ARHGAP5: variants seen among roughly 807,000 people sequenced by gnomAD.
ARHGAP5 encodes Rho GTPase activating protein 5.
ARHGAP5 carries 23 observed loss-of-function variants against 116.6 expected under a neutral mutation model. The observed-to-expected ratio is 0.20, with a 90% confidence interval of 0.14 to 0.28. ARHGAP5 has a LOEUF of 0.28. Among genes scored for constraint, ARHGAP5 ranks in the 10% least tolerant of loss-of-function variants. ARHGAP5 has a pLI of 1.00. For synonymous variants in ARHGAP5, 574 were observed against 602.0 expected, an observed-to-expected ratio of 0.95 and a Z score of 0.68; for missense variants, 1,405 against 1,774.8, an observed-to-expected ratio of 0.79 and a Z score of 3.74.
chr14:32,105,362 G>A (rs111699528), intron 2 of ARHGAP5, among the ~76,000 whole-genome samples: 2,086 of 151,852 alleles, frequency 0.014, 50 homozygotes, highest in African/African-American at 0.047. Context: ...TGTTGCTTCC[G>A]TTCCATTTTC....
At chr14:32,106,068 A>G (rs1879002786) in intron 2 of ARHGAP5, among the ~76,000 whole-genome samples, 1 of 152,218 alleles carries the variant, frequency 6.6e-6, no homozygotes, top group Non-Finnish European at 1.5e-5. Context: ...TGTCATGAAC[A>G]TTCGAATACA....
chr14:32,102,290 T>C (rs1417240798), intron 2 of ARHGAP5, among the ~76,000 whole-genome samples: 1 of 152,192 alleles, frequency 6.6e-6, no homozygotes, highest in Non-Finnish European at 1.5e-5. Context: ...ACCAGCATCT[T>C]TTCTAGTCTG....
chr14:32,135,928 A>G (rs975794867), intron 3 of ARHGAP5, among the ~76,000 whole-genome samples: 1 of 152,234 alleles, frequency 6.6e-6, no homozygotes, highest in Admixed American at 6.5e-5. Context: ...TTACTGTGTT[A>G]AAATGCATAT....
At chr14:32,142,458 A>T (rs1881170848) in intron 3 of ARHGAP5, among the ~76,000 whole-genome samples, 1 of 152,092 alleles carries the variant, frequency 6.6e-6, no homozygotes, top group Admixed American at 6.6e-5. Context: ...ATTTTTGTGA[A>T]GTCTGTATTC....
chr14:32,132,802 A>G (rs1880574770), intron 3 of ARHGAP5, among the ~76,000 whole-genome samples: 2 of 152,142 alleles, frequency 1.3e-5, no homozygotes, highest in Admixed American at 6.5e-5. Context: ...CTTTGTACAT[A>G]TGGCTAGCCA....
intron 3 of ARHGAP5, among the ~76,000 whole-genome samples, chr14:32,133,920 C>G (rs553082741): frequency 6.6e-6 from 1 of 152,138 alleles, no homozygotes; most frequent in African/African-American, 2.4e-5. Context: ...GCCTTGCATC[C>G]CAGGGATGTC....
chr14:32,091,179 T>C lies in ARHGAP5; in HGVS notation c.510T>C (p.Asn170=), dbSNP rs765884256. The C allele has an allele frequency of 2.5e-6, 4 of 1,613,450 alleles. No homozygotes were observed. Among genetic ancestry groups the C allele is most frequent in the Non-Finnish European group, 3.4e-6 (4 of 1,179,632 alleles). The part of the protein sequence containing the change: ...LLCIDVSQGC[N]RKFDDQLKFV... ...GCATTGATGTAAGTCAAGGATGCAATAGGAAGTTTGATGATCAACTTAAAT... is the reference window on the plus strand; with the variant it reads ...GCATTGATGTAAGTCAAGGATGCAACAGGAAGTTTGATGATCAACTTAAAT... The change falls in exon 2 of 7, where the codon AAT becomes AAC. Residue 170 remains asparagine (N), a synonymous_variant. Transcript: ENST00000345122.
chr14:32,122,700 A>G (rs987778849), intron 3 of ARHGAP5, among the ~76,000 whole-genome samples: 2 of 152,174 alleles, frequency 1.3e-5, no homozygotes, highest in Non-Finnish European at 2.9e-5. Flanking sequence ...TGGTTTAAGG[A>G]AAGGTTCCAG....
intron 3 of ARHGAP5, among the ~76,000 whole-genome samples, chr14:32,120,513 T>C (rs1879830643): frequency 6.6e-6 from 1 of 152,026 alleles, no homozygotes; most frequent in Non-Finnish European, 1.5e-5. Flanking sequence ...AAATATTTAA[T>C]GGTCCAGATT....
At chr14:32,147,330 T>G (rs1052689710) in intron 4 of ARHGAP5, among the ~76,000 whole-genome samples, 1 of 152,218 alleles carries the variant, frequency 6.6e-6, no homozygotes, top group African/African-American at 2.4e-5. Context: ...GACATGTGGC[T>G]AAAACAGGGT....
chr14:32,117,025 G>T, intron 2 of ARHGAP5, 115 bp from the exon 3 acceptor site: 1 of 711,128 alleles, frequency 1.4e-6, no homozygotes, highest in Admixed American at 3.6e-5. Flanking sequence ...TGGACATTTA[G>T]GTTGGATGTG....
At chr14:32,127,226 G>T (rs988901863) in intron 3 of ARHGAP5, among the ~76,000 whole-genome samples, 1 of 151,710 alleles carries the variant, frequency 6.6e-6, no homozygotes, top group Non-Finnish European at 1.5e-5. Flanking sequence ...TGGGAGAGGG[G>T]GATTTGGCAG....
At chr14:32,130,524 G>A (rs1449978760) in intron 3 of ARHGAP5, among the ~76,000 whole-genome samples, 1 of 143,838 alleles carries the variant, frequency 7.0e-6, no homozygotes, top group African/African-American at 2.7e-5. Context: ...GCCCAACCTG[G>A]CATTGATTGA....
intron 3 of ARHGAP5, among the ~76,000 whole-genome samples, chr14:32,142,558 C>T (rs553613676): frequency 2.8e-4 from 42 of 152,332 alleles, no homozygotes; most frequent in Middle Eastern, 3.4e-3. Context: ...GGAAAAACAA[C>T]ACTTTCCAAG....
intron 4 of ARHGAP5, among the ~76,000 whole-genome samples, chr14:32,149,642 G>A (rs1181887310): frequency 1.3e-5 from 2 of 151,718 alleles, no homozygotes; most frequent in African/African-American, 4.8e-5. Context: ...CGTGGTGACG[G>A]TCGCCTGTAA....
In ARHGAP5 at chr14:32,093,486, A is replaced by G; in HGVS notation, c.2817A>G (p.Leu939=). ...TTACTCTGTTTTTTAGTGATGTTCTAGAGAAAAAAAATATGATAGAAAATT... is the reference window on the plus strand; with the variant it reads ...TTACTCTGTTTTTTAGTGATGTTCTGGAGAAAAAAAATATGATAGAAAATT... ...EVFTLFFSDV[L]EKKNMIENSY... Residue 939 remains leucine, a synonymous_variant, in exon 2 of 7, where the codon CTA becomes CTG. Coordinates refer to ENST00000345122, the MANE Select transcript of ARHGAP5 (RefSeq NM_001030055.2). 1 of 1,612,840 alleles carries G rather than the reference A, an allele frequency of 6.2e-7. No individual in the cohort carries two copies. Among genetic ancestry groups the G allele is most frequent in the Non-Finnish European group, 8.5e-7 (1 of 1,179,660 alleles).
At chr14:32,116,620 T>C (rs922910714) in intron 2 of ARHGAP5, among the ~76,000 whole-genome samples, 1 of 151,662 alleles carries the variant, frequency 6.6e-6, no homozygotes, top group African/African-American at 2.4e-5. Context: ...AAAATAAAAA[T>C]AAAAAGCATC....
rs779238726 is a variant in ARHGAP5 at position 32,154,640 on chromosome 14, A to G, written c.4201A>G (p.Ile1401Val). The change falls in exon 7 of 7, where the codon ATC becomes GTC. Residue 1401 changes from isoleucine to valine, a missense_variant. Transcript: ENST00000345122. The part of the protein sequence containing the change: ...HLNRVSQQHK[I>V]NLMTADNLSI... ...TTTCAGGGTTAGTCAGCAACATAAA[A>G]TCAACCTAATGACAGCAGACAACTT... 3.1e-6 allele frequency: 5 copies of G among 1,607,496 alleles called. No individual in the cohort carries two copies. In the East Asian group the frequency reaches 1.1e-4, roughly 36 times the overall value.
At chr14:32,079,610 G>A (rs1258373121) in intron 1 of ARHGAP5, among the ~76,000 whole-genome samples, 2 of 152,090 alleles carry the variant, frequency 1.3e-5, no homozygotes, top group African/African-American at 2.4e-5. Context: ...ATTTGAAGTA[G>A]CGATAATAAG....
Sources: gnomAD v4.1 joint callset for allele counts (sites outside exome capture counted in the v4.1 genomes callset) on GRCh38, gnomAD v4.1.1 for gene constraint, MANE v1.5 for transcripts, NCBI Gene and HGNC (gene_info 2026-07-23, HGNC 2026-07-21) for gene names.